The following SSBP3 variants were observed in gnomAD, a reference collection of about 807,000 sequenced individuals.
SSBP3 encodes single-stranded DNA-binding protein 3.
SSBP3 carries 5 observed loss-of-function variants against 69.6 expected under a neutral mutation model. The observed-to-expected ratio is 0.07, with a 90% CI of 0.04 to 0.15. SSBP3 has a LOEUF of 0.15. Ranked by LOEUF, SSBP3 falls within the 10% of genes least tolerant of loss-of-function variation. The pLI is 1.00. For synonymous variants in SSBP3, 196 were observed against 193.4 expected (o/e 1.01, Z -0.11); for missense variants, 312 against 534.0 (o/e 0.58, Z 4.10).
Position 54,385,488 on chromosome 1 carries a change from A to AAC in SSBP3, c.276+16371_276+16372dup, listed in dbSNP as rs1030734076. On this transcript the variant is annotated intron_variant, in intron 4 of 17. Transcript: ENST00000610401. ...CTATCTACCACTGCCCCCAACCCCA[A>AAC]ACACACACACACACAACCTCTTATG... Among the ~76,000 whole-genome samples, 122 of 151,536 alleles carry AAC rather than the reference A, an allele frequency of 8.1e-4. No homozygotes were observed. The Middle Eastern group carries it at 0.014, about 17-fold the overall frequency.
At chr1:54,292,953 A>AG (rs1222167305) in intron 4 of SSBP3, among the ~76,000 whole-genome samples, 2 of 151,954 alleles carry the variant, frequency 1.3e-5, no homozygotes, top group Non-Finnish European at 2.9e-5. Context: ...ATGCTTTCAG[A>AG]GGAGACTCTT....
chr1:54,341,117 G>T (rs1042965142), intron 4 of SSBP3, among the ~76,000 whole-genome samples: 11 of 152,312 alleles, frequency 7.2e-5, no homozygotes, highest in African/African-American at 1.7e-4. Flanking sequence ...CCTGGTGCTG[G>T]ATTAACTCTC....
chr1:54,228,334 C>A, exon 17 of SSBP3: 3 of 1,614,136 alleles, frequency 1.9e-6, no homozygotes, highest in South Asian at 2.2e-5. Context: ...ATTGCTAATG[C>A]CACTTATGTT....
intron 14 of SSBP3, among the ~76,000 whole-genome samples, chr1:54,234,089 G>A (rs1363736865): frequency 6.6e-6 from 1 of 151,428 alleles, no homozygotes; most frequent in Non-Finnish European, 1.5e-5. Context: ...TGTCCACTCA[G>A]GGTTAAATGG....
intron 4 of SSBP3, among the ~76,000 whole-genome samples, chr1:54,335,432 C>T (rs1314137109): frequency 6.6e-6 from 1 of 152,202 alleles, no homozygotes; most frequent in East Asian, 1.9e-4. Flanking sequence ...ACAAAAACCA[C>T]CTTCCAGACT....
At chr1:54,245,049 A>T (rs1394586385) in intron 9 of SSBP3, among the ~76,000 whole-genome samples, 1 of 152,212 alleles carries the variant, frequency 6.6e-6, no homozygotes, top group Non-Finnish European at 1.5e-5. Flanking sequence ...GCTGGCACTG[A>T]AGCAATCAAT....
At chr1:54,346,571 T>C (rs949846918) in intron 4 of SSBP3, among the ~76,000 whole-genome samples, 7 of 151,892 alleles carry the variant, frequency 4.6e-5, no homozygotes, top group Admixed American at 3.3e-4. Context: ...TCCCAACACT[T>C]TGGGAGGCCA....
chr1:54,405,824 G>A, intron 1 of SSBP3, 129 bp downstream of exon 1: 1 of 525,290 alleles, frequency 1.9e-6, no homozygotes, highest in Non-Finnish European at 2.5e-6. Context: ...CCAGGCAGGC[G>A]GCGCCTGGAC....
intron 4 of SSBP3, among the ~76,000 whole-genome samples, chr1:54,373,606 A>C (rs1043487215): frequency 6.6e-6 from 1 of 152,072 alleles, no homozygotes; most frequent in Admixed American, 6.5e-5. Flanking sequence ...TCTATAAAAA[A>C]AAATACAAAA....
intron 4 of SSBP3, among the ~76,000 whole-genome samples, chr1:54,333,041 G>A (rs2100465801): frequency 6.6e-6 from 1 of 152,294 alleles, no homozygotes; most frequent in East Asian, 1.9e-4. Context: ...GGCCAGGCTG[G>A]ACCTGGCAAA....
intron 4 of SSBP3, among the ~76,000 whole-genome samples, chr1:54,318,573 G>A (rs954082664): frequency 2.0e-5 from 3 of 152,184 alleles, no homozygotes; most frequent in African/African-American, 7.2e-5. Context: ...GGCTGGGGGA[G>A]GATAAAGCTT....
intron 4 of SSBP3, among the ~76,000 whole-genome samples, chr1:54,343,222 C>T (rs1340297185): frequency 6.6e-6 from 1 of 152,164 alleles, no homozygotes; most frequent in African/African-American, 2.4e-5. Context: ...GTGATACATT[C>T]CTCGCTGCGT....
chr1:54,256,201 A>G (rs755282238), intron 7 of SSBP3, among the ~76,000 whole-genome samples: 2 of 152,166 alleles, frequency 1.3e-5, no homozygotes, highest in Non-Finnish European at 2.9e-5. Context: ...AGACAATGCT[A>G]ATTTAGCTGG....
intron 4 of SSBP3, among the ~76,000 whole-genome samples, chr1:54,362,962 G>T (rs1646973058): frequency 2.0e-5 from 3 of 152,092 alleles, no homozygotes; most frequent in Admixed American, 2.0e-4. Context: ...CTCACGGGGG[G>T]CGGGGCAGAG....
At chr1:54,254,727 G>A (rs967969036) in intron 7 of SSBP3, among the ~76,000 whole-genome samples, 2 of 152,230 alleles carry the variant, frequency 1.3e-5, no homozygotes, top group Non-Finnish European at 2.9e-5. Flanking sequence ...CTTCAAGAAA[G>A]CCCCAGGGTC....
At chr1:54,327,219 AGG>A (rs1646322781) in intron 4 of SSBP3, among the ~76,000 whole-genome samples, 1 of 60,100 alleles carries the variant, frequency 1.7e-5, no homozygotes, top group African/African-American at 5.3e-5. Flanking sequence ...GAGAGGGAAA[AGG>A]AAGGAAGGAA....
intron 4 of SSBP3, among the ~76,000 whole-genome samples, chr1:54,393,090 C>T (rs1311039934): frequency 1.3e-5 from 2 of 152,166 alleles, no homozygotes; most frequent in East Asian, 3.9e-4. Context: ...CTGGAGAAAG[C>T]ACCTGTTCCA....
At chr1:54,321,276 C>T (rs930630673) in intron 4 of SSBP3, among the ~76,000 whole-genome samples, 12 of 152,212 alleles carry the variant, frequency 7.9e-5, no homozygotes, top group Non-Finnish European at 1.5e-4. Flanking sequence ...ACTGGTGCAG[C>T]GTGGCCAGAT....
chr1:54,354,167 ACT>A (rs1646826950), intron 4 of SSBP3, among the ~76,000 whole-genome samples: 1 of 152,172 alleles, frequency 6.6e-6, no homozygotes, highest in African/African-American at 2.4e-5. Context: ...CTGTCTGCAG[ACT>A]CTACAGCCTT....
Sources: allele counts gnomAD v4.1 joint callset (sites outside exome capture counted in the v4.1 genomes callset), GRCh38; gene constraint gnomAD v4.1.1; transcripts MANE v1.5; gene names NCBI Gene and HGNC (gene_info 2026-07-23, HGNC 2026-07-21).